The following ZFR variants were observed in gnomAD, a reference collection of about 807,000 sequenced individuals.
The protein encoded by ZFR is zinc finger RNA binding protein.
Under a neutral mutation model 130.7 loss-of-function variants are expected in ZFR, and 19 were observed. The ratio of observed to expected loss-of-function variants is 0.15; its 90% CI spans 0.10 to 0.21. The LOEUF (loss-of-function observed/expected upper bound fraction) is 0.21, where lower values mean the gene tolerates loss of function less well. ZFR is among the 10% of genes least tolerant of loss of function. ZFR has a pLI of 1.00. For missense variants in ZFR, 872 were observed against 1,321.5 expected (o/e 0.66, Z 5.27); for synonymous variants, 466 against 456.9 (o/e 1.02, Z -0.25).
intron 17 of ZFR, 59 bp downstream of exon 17, chr5:32,379,056 T>C: frequency 7.7e-7 from 1 of 1,293,132 alleles, no homozygotes; most frequent in Admixed American, 1.7e-5. Flanking sequence ...ACTGAGAGGA[T>C]AAAAGCTGCA....
intron 6 of ZFR, among the ~76,000 whole-genome samples, chr5:32,405,178 C>T (rs1054379762): frequency 1.3e-5 from 2 of 152,120 alleles, no homozygotes; most frequent in African/African-American, 4.8e-5. Flanking sequence ...AATAGCTCCA[C>T]CAAGCAGTCT....
chr5:32,426,048 A>C (rs1388487493), intron 2 of ZFR, among the ~76,000 whole-genome samples: 1 of 152,200 alleles, frequency 6.6e-6, no homozygotes, highest in Non-Finnish European at 1.5e-5. Flanking sequence ...CAACAGGAAA[A>C]TGAAATTGCT....
intron 3 of ZFR, among the ~76,000 whole-genome samples, chr5:32,419,480 G>A (rs1004863828): frequency 6.6e-6 from 1 of 152,144 alleles, no homozygotes; most frequent in African/African-American, 2.4e-5. Context: ...TGGGACTACA[G>A]GTGCGCACCA....
intron 5 of ZFR, among the ~76,000 whole-genome samples, chr5:32,409,019 G>A (rs1287673250): frequency 6.6e-6 from 1 of 152,166 alleles, no homozygotes; most frequent in Non-Finnish European, 1.5e-5. Flanking sequence ...ATTGGAGTTA[G>A]GGGGTCCTAA....
chr5:32,361,615 ATTCT>A (rs1459537879), intron 19 of ZFR, among the ~76,000 whole-genome samples: 1 of 147,764 alleles, frequency 6.8e-6, no homozygotes, highest in African/African-American at 2.5e-5. Context: ...GCATCAGCCT[ATTCT>A]TTTTTTTTTT....
intron 15 of ZFR, chr5:32,383,844 T>G (rs939145524): frequency 4.4e-6 from 2 of 456,164 alleles, no homozygotes; most frequent in African/African-American, 4.0e-5. Flanking sequence ...CAAGGAACAC[T>G]ATCAGTGTTT....
intron 19 of ZFR, among the ~76,000 whole-genome samples, chr5:32,361,615 A>G (rs1752432293): frequency 6.8e-6 from 1 of 147,764 alleles, no homozygotes; most frequent in African/African-American, 2.5e-5. Context: ...GCATCAGCCT[A>G]TTCTTTTTTT....
intron 2 of ZFR, among the ~76,000 whole-genome samples, chr5:32,440,019 T>C (rs1416469130): frequency 1.3e-5 from 2 of 152,172 alleles, no homozygotes; most frequent in Non-Finnish European, 2.9e-5. Context: ...TATGAAACTA[T>C]TAGGAAGTTT....
chr5:32,357,651 C>T (rs780643482), intron 19 of ZFR, among the ~76,000 whole-genome samples: 66 of 152,182 alleles, frequency 4.3e-4, no homozygotes, highest in Non-Finnish European at 5.0e-4. Context: ...TATGAAATTT[C>T]CAATAATATC....
chr5:32,394,859 T>C (rs149866933), intron 11 of ZFR, among the ~76,000 whole-genome samples: 2,545 of 152,338 alleles, frequency 0.017, 37 homozygotes, highest in Non-Finnish European at 0.026. Context: ...AATGTATGTC[T>C]ATTTTGCTTG....
intron 2 of ZFR, among the ~76,000 whole-genome samples, chr5:32,426,342 G>A (rs1222204525): frequency 2.0e-5 from 3 of 150,822 alleles, no homozygotes; most frequent in Non-Finnish European, 4.4e-5. Context: ...AAACCCAAGC[G>A]ATCATCTCAA....
rs1239238275 is a variant in ZFR, at chr5:32,415,141, G to A, written c.612C>T (p.Ala204=). 2 of 1,614,026 alleles carry A rather than the reference G, an allele frequency of 1.2e-6. No homozygotes were observed. Among genetic ancestry groups the A allele is most frequent in the South Asian group, 2.2e-5 (2 of 91,060 alleles). The change falls in exon 5 of 20, where the codon GCC becomes GCT. Residue 204 remains alanine, a synonymous_variant. Transcript: ENST00000265069. ...TGGCTGTCACTTGTCGAGTTTGCTGGGCTTGAGTATACTGAGTTGCACCTT... is the reference window on the plus strand; with the variant it reads ...TGGCTGTCACTTGTCGAGTTTGCTGAGCTTGAGTATACTGAGTTGCACCTT... The part of the protein sequence containing the change: ...YSQGATQYTQ[A]QQTRQVTAIK...
Position 32,415,244 on chromosome 5 carries a change from A to G in ZFR, c.566-57T>C, listed in dbSNP as rs1753792711. The G allele has an allele frequency of 4.4e-6, 6 of 1,371,562 alleles. No homozygotes were observed. The Admixed American group carries it at 1.3e-4, about 31-fold the overall frequency. 85.0% of individuals were successfully genotyped at this position (1,371,562 alleles called of 1,614,324 possible). A position where few individuals can be genotyped will look rare whatever the true frequency, so the allele number is the denominator to read the frequency against. ...AAGAGTAAGCCACTATAGTTACTGT[A>G]CCAGTATCCTTAAAAAGCTGGAAAG... On this transcript the variant is annotated intron_variant, in intron 4 of 19. Transcript: ENST00000265069.
chr5:32,422,798 C>CAAAAAAAAAAAAAAAAAAAAAAAA (rs10693151), intron 2 of ZFR, among the ~76,000 whole-genome samples: 1 of 24,004 alleles, frequency 4.2e-5, no homozygotes. Flanking sequence ...AAACCTGTCT[C>CAAAAAAAAAAAAAAAAAAAAAAAA]AAAAAAAAAA....
intron 2 of ZFR, among the ~76,000 whole-genome samples, chr5:32,420,808 T>A (rs568893860): frequency 6.6e-6 from 1 of 152,184 alleles, no homozygotes; most frequent in Non-Finnish European, 1.5e-5. Flanking sequence ...TTAAAGTATG[T>A]CAATAGTGCT....
chr5:32,356,380 T>C (rs1752307683), intron 19 of ZFR, among the ~76,000 whole-genome samples: 1 of 152,186 alleles, frequency 6.6e-6, no homozygotes, highest in Admixed American at 6.5e-5. Flanking sequence ...CCTAATTTTC[T>C]ACTGGTAAAC....
At position 32,355,615 on chromosome 5, in the gene ZFR, T is replaced by G. The variant is rs1348120934; in HGVS notation, c.*145A>C. 4 of 753,060 alleles carry G rather than the reference T, an allele frequency of 5.3e-6. No homozygotes were observed. The highest frequency in any genetic ancestry group is 7.9e-6 in the Non-Finnish European group (4 of 504,490). 46.6% of individuals were successfully genotyped at this position (753,060 alleles called of 1,614,324 possible). On this transcript the variant is annotated 3_prime_UTR_variant, in exon 20 of 20. Coordinates refer to ENST00000265069, the MANE Select transcript of ZFR (RefSeq NM_016107.5). ...TTCAAATAATACCTAACACTGTACA[T>G]TTTTTAATATCATAGAAAAACTTGG... is the stretch of plus-strand genomic sequence containing the variant.
chr5:32,404,089 T>C lies in ZFR; in HGVS notation c.1041A>G (p.Lys347=), dbSNP rs772922792. 6 of 1,598,278 alleles carry C rather than the reference T, an allele frequency of 3.8e-6. No individual in the cohort carries two copies. The highest frequency in any genetic ancestry group is 1.8e-5 in the Admixed American group (1 of 55,148). Residue 347 remains lysine, a synonymous_variant, in exon 7 of 20, where the codon AAA becomes AAG. Transcript: ENST00000265069. ...TATGTTTCTGTCCTTCTAAATGTTC[T>C]TTATAAGTCTGTTTCAAATAAAAAG... ...KISCAGPQTY[K]EHLEGQKHKK... is the part of the protein sequence containing the mutation.
chr5:32,403,153 G>A lies in ZFR; in HGVS notation c.1469C>T (p.Thr490Ile), dbSNP rs911616104. 2 of 1,614,048 alleles carry A rather than the reference G, an allele frequency of 1.2e-6. No homozygotes were observed. The highest frequency in any genetic ancestry group is 2.7e-5 in the African/African-American group (2 of 74,916). The change falls in exon 8 of 20, where the codon ACA becomes ATA. Residue 490 changes from threonine to isoleucine, a missense_variant. Physicochemically the swap from Thr to Ile is moderately conservative, Grantham distance 89. Around this residue, in one of 7 missense-constraint regions of ZFR, gnomAD observed 143 missense variants for 137.9 expected, o/e 1.04. Transcript: ENST00000265069. The part of the protein sequence containing the change: ...TSNTKVSAVP[T>I]NMAAKKTSTP... ...AGATGTTTTCTTGGCAGCCATATTT[G>A]TAGGCACTGCTGATACTTTAGTGTT... is the stretch of plus-strand genomic sequence containing the variant.
Sources: allele counts gnomAD v4.1 joint callset (sites outside exome capture counted in the v4.1 genomes callset), GRCh38; gene constraint gnomAD v4.1.1; regional missense constraint gnomAD v4.1.1; transcripts MANE v1.5; gene names NCBI Gene and HGNC (gene_info 2026-07-23, HGNC 2026-07-21).